Variants in HEMK2 observed in about 807,000 individuals in gnomAD.
HEMK2 encodes the protein HemK methyltransferase 2, ETF1 glutamine and histone H4 lysine.
chr21:28,676,773 A>T, the HEMK2 span, among the ~76,000 whole-genome samples: 1 of 152,204 alleles, frequency 6.6e-6, no homozygotes, highest in East Asian at 1.9e-4. Flanking sequence ...TGCCCAATAA[A>T]TTCCATTATT....
chr21:28,838,075 G>C, the HEMK2 span, among the ~76,000 whole-genome samples: 1 of 152,116 alleles, frequency 6.6e-6, no homozygotes, highest in Non-Finnish European at 1.5e-5. Context: ...AAATAGCCCA[G>C]GACCTGACAG....
chr21:28,666,854 G>A, the HEMK2 span, among the ~76,000 whole-genome samples: 1 of 152,094 alleles, frequency 6.6e-6, no homozygotes, highest in Non-Finnish European at 1.5e-5. Context: ...ACAAAAGACA[G>A]AGAAATTCAT....
chr21:28,648,779 T>C, the HEMK2 span, among the ~76,000 whole-genome samples: 1 of 152,152 alleles, frequency 6.6e-6, no homozygotes, highest in African/African-American at 2.4e-5. Context: ...TGTTTTCTTT[T>C]ATTTATTTAT....
the HEMK2 span, chr21:28,876,406 G>A: frequency 6.2e-7 from 1 of 1,610,396 alleles, no homozygotes. Context: ...TGAACTTGAG[G>A]ACTGAAAGAG....
At chr21:28,821,819 T>TA in the HEMK2 span, among the ~76,000 whole-genome samples, 1 of 152,224 alleles carries the variant, frequency 6.6e-6, no homozygotes, top group Non-Finnish European at 1.5e-5. Context: ...ATATTCAAAT[T>TA]AAAGTATAAT....
the HEMK2 span, among the ~76,000 whole-genome samples, chr21:28,799,334 G>C: frequency 2.6e-5 from 4 of 152,110 alleles, no homozygotes; most frequent in Non-Finnish European, 5.9e-5. Context: ...GATCTCATGA[G>C]ACTTATTCCC....
At chr21:28,727,503 G>A in the HEMK2 span, among the ~76,000 whole-genome samples, 1 of 152,208 alleles carries the variant, frequency 6.6e-6, no homozygotes, top group Admixed American at 6.5e-5. Flanking sequence ...AAATACATTA[G>A]CTAACCTTTC....
At chr21:28,763,440 G>A in the HEMK2 span, among the ~76,000 whole-genome samples, 4 of 151,980 alleles carry the variant, frequency 2.6e-5, no homozygotes, top group South Asian at 4.1e-4. Flanking sequence ...CAGCTCTTGC[G>A]TGAACTCACT....
At chr21:28,588,380 A>G in the HEMK2 span, among the ~76,000 whole-genome samples, 1 of 152,286 alleles carries the variant, frequency 6.6e-6, no homozygotes, top group Non-Finnish European at 1.5e-5. Flanking sequence ...ATTCCATAAC[A>G]GCTACACATC....
At chr21:28,776,112 A>G in the HEMK2 span, among the ~76,000 whole-genome samples, 1 of 152,192 alleles carries the variant, frequency 6.6e-6, no homozygotes, top group African/African-American at 2.4e-5. Flanking sequence ...GAATGGGGAG[A>G]AAAGTCTAGC....
At chr21:28,671,169 C>T in the HEMK2 span, 8 of 152,334 alleles carry the variant, frequency 5.3e-5, no homozygotes, top group African/African-American at 1.9e-4. Context: ...AGCTTTGGAT[C>T]TTGCCTGTGA....
At chr21:28,840,739 C>T in the HEMK2 span, among the ~76,000 whole-genome samples, 9 of 151,794 alleles carry the variant, frequency 5.9e-5, no homozygotes, top group Non-Finnish European at 1.2e-4. Context: ...AACATTTCTA[C>T]ACTGTTGGTG....
chr21:28,762,012 T>C, the HEMK2 span, among the ~76,000 whole-genome samples: 18,948 of 152,072 alleles, frequency 0.12, 2,031 homozygotes, highest in African/African-American at 0.28. Context: ...AGGAATAAAA[T>C]CTCTACCATT....
the HEMK2 span, among the ~76,000 whole-genome samples, chr21:28,841,585 T>C: frequency 1.1e-4 from 16 of 147,330 alleles, no homozygotes; most frequent in Admixed American, 2.9e-4. Flanking sequence ...TCAAGCATCG[T>C]ATGTTCTCAC....
the HEMK2 span, among the ~76,000 whole-genome samples, chr21:28,771,522 C>CCCGCCG: frequency 8.4e-6 from 1 of 119,162 alleles, no homozygotes; most frequent in Non-Finnish European, 1.8e-5. Context: ...TGCACCACCC[C>CCCGCCG]CCCCCGCCAA....
chr21:28,834,066 T>C, the HEMK2 span, among the ~76,000 whole-genome samples: 1 of 152,238 alleles, frequency 6.6e-6, no homozygotes, highest in African/African-American at 2.4e-5. Flanking sequence ...TTATGCTTGC[T>C]TCTGGGAGCC....
chr21:28,726,650 G>A, the HEMK2 span, among the ~76,000 whole-genome samples: 1,540 of 152,254 alleles, frequency 0.01, 13 homozygotes, highest in African/African-American at 0.027. Context: ...GCTCATGCCC[G>A]TAATCCCAGC....
chr21:28,864,545 C>T, the HEMK2 span, among the ~76,000 whole-genome samples: 1 of 152,156 alleles, frequency 6.6e-6, no homozygotes, highest in Non-Finnish European at 1.5e-5. Context: ...GATAATAGCT[C>T]CTATTTCAAT....
At chr21:28,622,250 T>A in the HEMK2 span, among the ~76,000 whole-genome samples, 1 of 151,904 alleles carries the variant, frequency 6.6e-6, no homozygotes, top group Admixed American at 6.6e-5. Flanking sequence ...AAGAATAAAA[T>A]ACCTAGGAAT....
Sources: gnomAD v4.1 joint callset for allele counts (sites outside exome capture counted in the v4.1 genomes callset) on GRCh38, gnomAD v4.1.1 for gene constraint, MANE v1.5 for transcripts, NCBI Gene and HGNC (gene_info 2026-07-23, HGNC 2026-07-21) for gene names.